Variants in B3GALT1 observed in about 807,000 individuals in gnomAD.
B3GALT1 encodes the protein beta-1,3-galactosyltransferase 1, also known as UDP-Gal:betaGlcNAc beta 1,3-galactosyltransferase, polypeptide 1.
A neutral mutation model predicts 23.2 loss-of-function variants in B3GALT1; 10 were observed. That is an observed-to-expected ratio of 0.43 (90% CI 0.27 to 0.73). The LOEUF is 0.73. B3GALT1 is among the 30% of genes least tolerant of loss of function. The probability of loss-of-function intolerance (pLI) is 0.21; values close to 1 mark genes in which losing one functional copy is unlikely to be tolerated. For missense variants in B3GALT1, 299 were observed against 405.4 expected (o/e 0.74, Z 2.25); for synonymous variants, 156 against 141.5 (o/e 1.10, Z -0.73).
intron 2 of B3GALT1, among the ~76,000 whole-genome samples, chr2:167,592,776 G>A (rs1042463200): frequency 3.3e-5 from 5 of 152,132 alleles, no homozygotes; most frequent in Non-Finnish European, 7.3e-5. Context: ...CTTGAGGGGA[G>A]GAGCATGGTT....
intron 4 of B3GALT1, among the ~76,000 whole-genome samples, chr2:167,846,060 AG>A (rs1689753860): frequency 6.6e-6 from 1 of 152,098 alleles, no homozygotes; most frequent in African/African-American, 2.4e-5. Context: ...CAAAGAAAAA[AG>A]AAAAAGAAAA....
intron 4 of B3GALT1, among the ~76,000 whole-genome samples, chr2:167,866,107 C>G (rs1241487893): frequency 6.6e-6 from 1 of 152,194 alleles, no homozygotes; most frequent in Non-Finnish European, 1.5e-5. Flanking sequence ...ATCCAGATAA[C>G]TTCTAGCCAT....
chr2:167,744,632 C>T (rs1574241037), intron 3 of B3GALT1, among the ~76,000 whole-genome samples: 1 of 151,888 alleles, frequency 6.6e-6, no homozygotes, highest in African/African-American at 2.4e-5. Flanking sequence ...ACTCTTGTTG[C>T]CCAGGCTGGA....
intron 2 of B3GALT1, among the ~76,000 whole-genome samples, chr2:167,569,362 T>A (rs1168965322): frequency 6.6e-6 from 1 of 151,914 alleles, no homozygotes; most frequent in Admixed American, 6.6e-5. Flanking sequence ...TCCTTCTCCT[T>A]AGATATTTTT....
intron 1 of B3GALT1, among the ~76,000 whole-genome samples, chr2:167,474,969 A>T (rs1209767342): frequency 6.6e-6 from 1 of 152,326 alleles, no homozygotes; most frequent in East Asian, 1.9e-4. Context: ...CCTGCTATGC[A>T]TTGTAAATAT....
At chr2:167,421,286 G>C (rs1426752026) in intron 1 of B3GALT1, among the ~76,000 whole-genome samples, 1 of 152,218 alleles carries the variant, frequency 6.6e-6, no homozygotes, top group East Asian at 1.9e-4. Flanking sequence ...GTGGATATTG[G>C]CTGCCACATC....
At chr2:167,365,760 A>G (rs1697575684) in intron 1 of B3GALT1, among the ~76,000 whole-genome samples, 1 of 152,200 alleles carries the variant, frequency 6.6e-6, no homozygotes, top group Non-Finnish European at 1.5e-5. Flanking sequence ...TCTTTAAACC[A>G]TAAAAATGAA....
At chr2:167,566,452 GTAAC>G (rs1035526604) in intron 2 of B3GALT1, among the ~76,000 whole-genome samples, 2 of 151,570 alleles carry the variant, frequency 1.3e-5, no homozygotes, top group African/African-American at 2.4e-5. Flanking sequence ...GTATACATAT[GTAAC>G]TAACCTGCAC....
At chr2:167,756,029 C>G (rs542651267) in intron 3 of B3GALT1, among the ~76,000 whole-genome samples, 8 of 152,128 alleles carry the variant, frequency 5.3e-5, no homozygotes, top group East Asian at 1.9e-4. Flanking sequence ...GAATCTCTAA[C>G]TGTTGAAATG....
At chr2:167,766,185 C>CA (rs1461669546) in intron 3 of B3GALT1, among the ~76,000 whole-genome samples, 1 of 152,092 alleles carries the variant, frequency 6.6e-6, no homozygotes, top group Admixed American at 6.5e-5. Context: ...AATGGAAAAT[C>CA]AAAGTTGGAA....
chr2:167,737,727 T>C (rs1459935120), intron 3 of B3GALT1, among the ~76,000 whole-genome samples: 1 of 152,244 alleles, frequency 6.6e-6, no homozygotes, highest in East Asian at 1.9e-4. Context: ...CAATCTGTGA[T>C]TCTCTGTTGT....
At chr2:167,462,248 A>G (rs902710248) in intron 1 of B3GALT1, among the ~76,000 whole-genome samples, 2 of 152,122 alleles carry the variant, frequency 1.3e-5, no homozygotes, top group Admixed American at 6.6e-5. Context: ...AATAATGGCC[A>G]TCTTTAGCAG....
At chr2:167,796,683 G>A (rs576682547) in intron 3 of B3GALT1, among the ~76,000 whole-genome samples, 4 of 152,108 alleles carry the variant, frequency 2.6e-5, no homozygotes, top group Non-Finnish European at 4.4e-5. Flanking sequence ...CCCAGGAGGC[G>A]GATGTTGCAG....
chr2:167,857,350 G>C (rs1690017915), intron 4 of B3GALT1, among the ~76,000 whole-genome samples: 1 of 152,050 alleles, frequency 6.6e-6, no homozygotes, highest in South Asian at 2.1e-4. Context: ...TAAATGAGAA[G>C]AGTCCAGCAT....
intron 3 of B3GALT1, among the ~76,000 whole-genome samples, chr2:167,728,685 CTT>C (rs1404149318): frequency 1.3e-5 from 2 of 152,148 alleles, no homozygotes; most frequent in Non-Finnish European, 2.9e-5. Flanking sequence ...GTATTGTAGA[CTT>C]AAGATTATGT....
intron 2 of B3GALT1, among the ~76,000 whole-genome samples, chr2:167,557,719 GTTTC>G (rs1163723518): frequency 2.6e-5 from 4 of 152,162 alleles, no homozygotes; most frequent in Non-Finnish European, 5.9e-5. Flanking sequence ...GCATATGTCA[GTTTC>G]TTTAACTCAC....
chr2:167,620,327 A>G (rs1051319609), intron 2 of B3GALT1, among the ~76,000 whole-genome samples: 3 of 152,138 alleles, frequency 2.0e-5, no homozygotes, highest in African/African-American at 7.2e-5. Context: ...CCATGTGGCT[A>G]ACCCATAGTA....
At chr2:167,343,532 C>T (rs1697183087) in intron 1 of B3GALT1, among the ~76,000 whole-genome samples, 1 of 152,084 alleles carries the variant, frequency 6.6e-6, no homozygotes, top group South Asian at 2.1e-4. Flanking sequence ...CTTTTTCTAG[C>T]TCCTGATTAG....
chr2:167,584,111 T>G (rs1466221471), intron 2 of B3GALT1, among the ~76,000 whole-genome samples: 1 of 152,122 alleles, frequency 6.6e-6, no homozygotes, highest in Non-Finnish European at 1.5e-5. Context: ...GACCTGGCTT[T>G]TTTTCCCACT....
Sources: gnomAD v4.1 joint callset for allele counts (sites outside exome capture counted in the v4.1 genomes callset) on GRCh38, gnomAD v4.1.1 for gene constraint, MANE v1.5 for transcripts, NCBI Gene and HGNC (gene_info 2026-07-23, HGNC 2026-07-21) for gene names.